The following CCDC152 variants were observed in gnomAD, a reference collection of about 807,000 sequenced individuals.
CCDC152 encodes the protein coiled-coil domain containing 152, also known as coiled-coil domain-containing protein 152.
Under a neutral mutation model 38.1 loss-of-function variants are expected in CCDC152, and 37 were observed. The observed-to-expected ratio is 0.97, with a 90% CI of 0.75 to 1.28. The LOEUF (loss-of-function observed/expected upper bound fraction) is 1.28, where lower values mean the gene tolerates loss of function less well. CCDC152 is among the 50% of genes most tolerant of loss of function. The probability of loss-of-function intolerance (pLI) is 0.00; values close to 1 mark genes in which losing one functional copy is unlikely to be tolerated. For missense variants in CCDC152, 259 were observed against 292.1 expected (o/e 0.89, Z 0.83); for synonymous variants, 83 against 87.1 (o/e 0.95, Z 0.26).
At chr5:42,771,472 C>T (rs986081863) in intron 4 of CCDC152, among the ~76,000 whole-genome samples, 4 of 150,044 alleles carry the variant, frequency 2.7e-5, no homozygotes, top group African/African-American at 7.4e-5. Flanking sequence ...GAAAATTTAA[C>T]AAAACTAGGA....
chr5:42,786,316 G>A (rs1057488090), intron 6 of CCDC152, among the ~76,000 whole-genome samples: 2 of 151,850 alleles, frequency 1.3e-5, no homozygotes, highest in African/African-American at 4.8e-5. Context: ...CACATTAATG[G>A]CCCATTTAGA....
chr5:42,769,241 C>G (rs1759666791), intron 3 of CCDC152, among the ~76,000 whole-genome samples: 1 of 149,850 alleles, frequency 6.7e-6, no homozygotes, highest in South Asian at 2.1e-4. Context: ...GGGCAAGACT[C>G]TGTCTCAAAA....
intron 4 of CCDC152, among the ~76,000 whole-genome samples, chr5:42,772,624 C>T (rs1188827267): frequency 6.9e-6 from 1 of 144,802 alleles, no homozygotes; most frequent in East Asian, 2.1e-4. Flanking sequence ...GCACTCCAGC[C>T]TGGCTGCAGA....
intron 4 of CCDC152, among the ~76,000 whole-genome samples, chr5:42,772,058 T>C (rs573754768): frequency 6.6e-6 from 1 of 152,274 alleles, no homozygotes; most frequent in South Asian, 2.1e-4. Context: ...AAAGATCATA[T>C]ATCCTAACCA....
At chr5:42,775,140 G>A (rs368637677) in intron 4 of CCDC152, among the ~76,000 whole-genome samples, 2 of 151,782 alleles carry the variant, frequency 1.3e-5, no homozygotes, top group African/African-American at 2.4e-5. Flanking sequence ...AGAAAGAAAG[G>A]AACAGAAGAA....
At position 42,801,788 on chromosome 5, in the gene CCDC152, A is replaced by G; in HGVS notation, c.*2007A>G. 1.3e-5 allele frequency: 2 copies of G among 159,848 alleles called. No homozygotes were observed. Among genetic ancestry groups the G allele is most frequent in the Non-Finnish European group, 2.7e-5 (2 of 73,398 alleles). 9.9% of individuals were successfully genotyped at this position (159,848 alleles called of 1,614,324 possible). A position where few individuals can be genotyped will look rare whatever the true frequency, so the allele number is the denominator to read the frequency against. ...AAAAATTAGCTGGGTGTGGTGTCAG[A>G]TGCCTGTAGTCCCAGCTACTTGTGA... On this transcript the variant is annotated 3_prime_UTR_variant, in exon 9 of 9. Coordinates refer to ENST00000361970, the MANE Select transcript of CCDC152 (RefSeq NM_001134848.2).
At chr5:42,779,039 G>A (rs1759805708) in intron 4 of CCDC152, among the ~76,000 whole-genome samples, 1 of 152,084 alleles carries the variant, frequency 6.6e-6, no homozygotes, top group Admixed American at 6.6e-5. Context: ...CAAGCCCATG[G>A]TCTTCTGTGC....
At chr5:42,790,006 C>T (rs1759976489) in intron 6 of CCDC152, among the ~76,000 whole-genome samples, 2 of 152,238 alleles carry the variant, frequency 1.3e-5, no homozygotes, top group African/African-American at 4.8e-5. Flanking sequence ...AATTTATGTT[C>T]TTTAATACTG....
At chr5:42,792,858 G>A (rs977679552) in intron 6 of CCDC152, among the ~76,000 whole-genome samples, 4 of 152,162 alleles carry the variant, frequency 2.6e-5, no homozygotes, top group Non-Finnish European at 5.9e-5. Flanking sequence ...AGGAGCTGGG[G>A]CAAGTGATCA....
At chr5:42,794,158 T>C (rs1760041880) in intron 6 of CCDC152, among the ~76,000 whole-genome samples, 1 of 151,920 alleles carries the variant, frequency 6.6e-6, no homozygotes, top group Admixed American at 6.6e-5. Flanking sequence ...GGTAGTAAAG[T>C]CTATGAAAGG....
In CCDC152 at chr5:42,761,667, A is replaced by G. The variant is rs537187167; in HGVS notation, c.88-776A>G. On this transcript the variant is annotated intron_variant, in intron 2 of 8. Coordinates refer to ENST00000361970, the MANE Select transcript of CCDC152 (RefSeq NM_001134848.2). ...GATCTATGTGGGTTTACATGACATC[A>G]TCTCCCAGATAATAGTACTAAGCGG... Among the ~76,000 whole-genome samples the G allele has an allele frequency of 2.0e-4, 31 of 152,312 alleles. No individual in the cohort carries two copies. In the Middle Eastern group the frequency reaches 0.01, roughly 50 times the overall value.
At chr5:42,783,696 A>G in intron 6 of CCDC152, 120 bp downstream of exon 6, 1 of 319,446 alleles carries the variant, frequency 3.1e-6, no homozygotes. Context: ...CATCAATTAT[A>G]TAGTGAACAT....
intron 4 of CCDC152, among the ~76,000 whole-genome samples, chr5:42,774,121 A>G (rs1759736245): frequency 6.6e-6 from 1 of 152,192 alleles, no homozygotes; most frequent in South Asian, 2.1e-4. Context: ...GATGCATCTA[A>G]AATTGGAGAC....
chr5:42,779,996 T>C (rs1427336368), intron 5 of CCDC152, among the ~76,000 whole-genome samples: 1 of 152,190 alleles, frequency 6.6e-6, no homozygotes, highest in African/African-American at 2.4e-5. Flanking sequence ...CACCATACCC[T>C]CTGCTACTTT....
intron 3 of CCDC152, among the ~76,000 whole-genome samples, chr5:42,768,842 C>G (rs1561273448): frequency 1.3e-5 from 2 of 152,140 alleles, no homozygotes; most frequent in Admixed American, 6.5e-5. Context: ...GCAGGTGTGC[C>G]TTACTACTTA....
chr5:42,788,688 A>G (rs756865705), intron 6 of CCDC152, among the ~76,000 whole-genome samples: 4 of 152,230 alleles, frequency 2.6e-5, no homozygotes, highest in African/African-American at 7.2e-5. Flanking sequence ...TCCTTTATCA[A>G]ATATCCATCT....
At chr5:42,789,281 G>A (rs757604939) in intron 6 of CCDC152, among the ~76,000 whole-genome samples, 2 of 152,172 alleles carry the variant, frequency 1.3e-5, no homozygotes, top group Non-Finnish European at 2.9e-5. Context: ...GCTTCTTCCT[G>A]TGGGCTCTCT....
At chr5:42,776,614 C>T (rs768750339) in intron 4 of CCDC152, among the ~76,000 whole-genome samples, 15 of 152,090 alleles carry the variant, frequency 9.9e-5, no homozygotes, top group Non-Finnish European at 1.9e-4. Context: ...GCAGAATACA[C>T]ATTCTCCTCA....
At chr5:42,774,559 A>T (rs1156876541) in intron 4 of CCDC152, among the ~76,000 whole-genome samples, 1 of 152,200 alleles carries the variant, frequency 6.6e-6, no homozygotes, top group East Asian at 1.9e-4. Context: ...ACTCTAGCCC[A>T]TTCTAGCCAT....
Sources: gnomAD v4.1 joint callset for allele counts (sites outside exome capture counted in the v4.1 genomes callset) on GRCh38, gnomAD v4.1.1 for gene constraint, MANE v1.5 for transcripts, NCBI Gene and HGNC (gene_info 2026-07-23, HGNC 2026-07-21) for gene names.